Variants in LPCAT2 observed in about 807,000 individuals in gnomAD.
LPCAT2 encodes the protein 1-AGP acyltransferase 11.
A neutral mutation model predicts 64.7 loss-of-function variants in LPCAT2; 58 were observed. The ratio of observed to expected loss-of-function variants is 0.90; its 90% CI spans 0.73 to 1.12. The LOEUF is 1.12. Among genes scored for constraint, LPCAT2 ranks in the 50% most tolerant of loss-of-function variants. The pLI, the probability that LPCAT2 is intolerant of heterozygous loss-of-function variation, is 0.00. For synonymous variants in LPCAT2, 252 were observed against 245.3 expected (o/e 1.03, Z -0.26); for missense variants, 579 against 669.8 (o/e 0.86, Z 1.50).
rs192250610 is a variant in LPCAT2, at chr16:55,537,529, T to C, written c.798-49T>C. The C allele has an allele frequency of 1.8e-3, 2,440 of 1,369,968 alleles. 8 individuals are homozygous for C. Among genetic ancestry groups the C allele is most frequent in the Non-Finnish European group, 1.5e-3 (1,448 of 969,636 alleles). 84.9% of individuals were successfully genotyped at this position (1,369,968 alleles called of 1,614,324 possible). A position where few individuals can be genotyped will look rare whatever the true frequency, so the allele number is the denominator to read the frequency against. Reference sequence around the variant, plus strand: ...GAAATGATTGTTGAATAATATAAGATGATACTTGCATGACTGTATAAAGAT... The same window carrying C: ...GAAATGATTGTTGAATAATATAAGACGATACTTGCATGACTGTATAAAGAT... On this transcript the variant is annotated intron_variant, in intron 7 of 13. Coordinates refer to ENST00000262134, the MANE Select transcript of LPCAT2 (RefSeq NM_017839.5).
intron 10 of LPCAT2, among the ~76,000 whole-genome samples, chr16:55,550,354 G>A (rs1475321937): frequency 6.6e-6 from 1 of 152,146 alleles, no homozygotes; most frequent in African/African-American, 2.4e-5. Context: ...CATGTGTATA[G>A]TCTAATGAAT....
At position 55,528,419 on chromosome 16, in the gene LPCAT2, GTTC is replaced by G. The variant is rs1461486106; in HGVS notation, c.357_359del (p.Phe120del). Reference sequence around the variant, plus strand: ...CTTTGAAATTTCTGGGTCGTGCTATGTTCTTTTCAATGGGATTTATAGTTGCTG... The same window carrying G: ...CTTTGAAATTTCTGGGTCGTGCTATGTTTTCAATGGGATTTATAGTTGCTG... On this transcript the variant is annotated inframe_deletion, in exon 3 of 14. Coordinates refer to ENST00000262134, the MANE Select transcript of LPCAT2 (RefSeq NM_017839.5). 1 of 1,614,028 alleles carries G rather than the reference GTTC, an allele frequency of 6.2e-7. No individual in the cohort carries two copies. Among genetic ancestry groups the G allele is most frequent in the South Asian group, 1.1e-5 (1 of 91,080 alleles).
chr16:55,548,654 C>T (rs1161868412), intron 9 of LPCAT2, among the ~76,000 whole-genome samples: 5 of 152,146 alleles, frequency 3.3e-5, no homozygotes, highest in Non-Finnish European at 7.4e-5. Flanking sequence ...TCCTGAGTAG[C>T]TGAGACTACA....
At chr16:55,537,657 G>C (rs758901234) in intron 8 of LPCAT2, 25 bp downstream of exon 8, 1 of 1,607,556 alleles carries the variant, frequency 6.2e-7, no homozygotes, top group Admixed American at 1.7e-5. Context: ...ATGTGGCCTT[G>C]GAACTTGAGA....
chr16:55,511,027 A>G (rs1962924716), intron 1 of LPCAT2, among the ~76,000 whole-genome samples: 2 of 152,210 alleles, frequency 1.3e-5, no homozygotes, highest in African/African-American at 4.8e-5. Context: ...CTAGTCAGTT[A>G]TAGGAACTGG....
Position 55,583,119 on chromosome 16 carries a change from A to G in LPCAT2, c.*21A>G, listed in dbSNP as rs1161021480. 1.9e-6 allele frequency: 3 copies of G among 1,577,176 alleles called. No individual in the cohort carries two copies. The highest frequency in any genetic ancestry group is 2.6e-6 in the Non-Finnish European group (3 of 1,155,830). On this transcript the variant is annotated 3_prime_UTR_variant, in exon 14 of 14. Coordinates refer to ENST00000262134, the MANE Select transcript of LPCAT2 (RefSeq NM_017839.5). ...ACTGAAAGCAGTATTTCCAATAAGGAAAACACAGTAGCTTTTGCTTGAAAT... is the reference window on the plus strand; with the variant it reads ...ACTGAAAGCAGTATTTCCAATAAGGGAAACACAGTAGCTTTTGCTTGAAAT...
chr16:55,578,315 C>T (rs1963850901), intron 12 of LPCAT2, among the ~76,000 whole-genome samples: 1 of 152,166 alleles, frequency 6.6e-6, no homozygotes, highest in Non-Finnish European at 1.5e-5. Context: ...CTCCTGGCAC[C>T]TCTGATTCAA....
Position 55,582,986 on chromosome 16 carries a change from C to T in LPCAT2, c.1523C>T (p.Thr508Met), listed in dbSNP as rs772603938. 7.4e-6 allele frequency: 12 copies of T among 1,613,526 alleles called. No homozygotes were observed. The highest frequency in any genetic ancestry group is 1.0e-5 in the Non-Finnish European group (12 of 1,179,710). The stretch of plus-strand genomic sequence containing the variant: ...TTTACAACATACCTAGACCTCCAGA[C>T]GTGCCATGTGTTTTCATTACCAAAA... Reference protein sequence around the residue: ...KIFTTYLDLQTCHVFSLPKEV... With the variant: ...KIFTTYLDLQMCHVFSLPKEV... The change falls in exon 14 of 14, where the codon ACG becomes ATG. Residue 508 changes from threonine (T) to methionine (M), a missense_variant. Transcript: ENST00000262134.
chr16:55,535,096 C>G (rs1274075363), intron 7 of LPCAT2, among the ~76,000 whole-genome samples: 2 of 152,070 alleles, frequency 1.3e-5, no homozygotes, highest in Admixed American at 1.3e-4. Context: ...CTCTCAAGAT[C>G]GTTTGTTTAG....
intron 8 of LPCAT2, among the ~76,000 whole-genome samples, chr16:55,544,277 T>C (rs537386796): frequency 9.2e-5 from 14 of 152,254 alleles, no homozygotes; most frequent in Non-Finnish European, 1.8e-4. Flanking sequence ...TTGCATTCTT[T>C]ATTTATCAAA....
Position 55,547,130 on chromosome 16 carries a change from C to T in LPCAT2, c.935+1313C>T, listed in dbSNP as rs1279081392. 5.3e-5 allele frequency among the ~76,000 whole-genome samples: 8 copies of T among 150,628 alleles called. 1 individual carries two copies. The South Asian group carries it at 1.7e-3, about 32-fold the overall frequency. ...TGCCACTGCACTCCAGCCTGGGCGA[C>T]GAGTGAAACTCCGTCTCAAAAAAGA... On this transcript the variant is annotated intron_variant, in intron 9 of 13. Coordinates refer to ENST00000262134, the MANE Select transcript of LPCAT2 (RefSeq NM_017839.5).
Position 55,585,262 on chromosome 16 carries a change from A to G in LPCAT2, c.*2164A>G, listed in dbSNP as rs1963932393. On this transcript the variant is annotated 3_prime_UTR_variant, in exon 14 of 14. Transcript: ENST00000262134. ...TCATATGTTTACATATTTATGAATG[A>G]TTAATCATTTTTGTTTGCATTAAAC... 6.6e-6 allele frequency: 1 copy of G among 152,222 alleles called. No individual in the cohort carries two copies. The highest frequency in any genetic ancestry group is 2.1e-4 in the South Asian group (1 of 4,838). 9.4% of individuals were successfully genotyped at this position (152,222 alleles called of 1,614,324 possible). A position where few individuals can be genotyped will look rare whatever the true frequency, so the allele number is the denominator to read the frequency against.
At chr16:55,523,287 A>T (rs1963123695) in intron 1 of LPCAT2, among the ~76,000 whole-genome samples, 1 of 151,816 alleles carries the variant, frequency 6.6e-6, no homozygotes, top group Non-Finnish European at 1.5e-5. Context: ...AACATTAAAT[A>T]TTAAAAAATT....
chr16:55,536,876 G>A (rs549866339), intron 7 of LPCAT2, among the ~76,000 whole-genome samples: 33 of 152,112 alleles, frequency 2.2e-4, no homozygotes, highest in Non-Finnish European at 4.4e-4. Context: ...TTTAAAGACA[G>A]CATTTGCCTG....
chr16:55,528,501 C>T lies in LPCAT2; in HGVS notation c.436C>T (p.His146Tyr). The change falls in exon 3 of 14, where the codon CAT becomes TAT. Residue 146 changes from histidine (H) to tyrosine (Y), a missense_variant. Transcript: ENST00000262134. The part of the protein sequence containing the change: ...LEAPVFVAAP[H>Y]STFFDGIACV... ...AGCACCAGTTTTTGTTGCTGCCCCTCATTCAACATTCTTTGATGGAATTGC... is the reference window on the plus strand; with the variant it reads ...AGCACCAGTTTTTGTTGCTGCCCCTTATTCAACATTCTTTGATGGAATTGC... The T allele has an allele frequency of 6.2e-7, 1 of 1,614,008 alleles. No homozygotes were observed. The highest frequency in any genetic ancestry group is 8.5e-7 in the Non-Finnish European group (1 of 1,179,936).
At chr16:55,529,733 C>T (rs958760173) in intron 3 of LPCAT2, 102 bp from the exon 4 acceptor site, 1 of 458,430 alleles carries the variant, frequency 2.2e-6, no homozygotes, top group Non-Finnish European at 3.8e-6. Context: ...CTTTGATTTA[C>T]TCATTTAAAT....
At chr16:55,554,289 A>G (rs1381288045) in intron 11 of LPCAT2, among the ~76,000 whole-genome samples, 1 of 152,212 alleles carries the variant, frequency 6.6e-6, no homozygotes, top group African/African-American at 2.4e-5. Flanking sequence ...TTTCATTAAA[A>G]GGCCATTTCA....
Position 55,549,303 on chromosome 16 carries a change from A to G in LPCAT2, c.962A>G (p.His321Arg), listed in dbSNP as rs770927107. 6.6e-5 allele frequency: 105 copies of G among 1,596,438 alleles called. No individual in the cohort carries two copies. The highest frequency in any genetic ancestry group is 8.8e-5 in the Non-Finnish European group (103 of 1,173,158). ...AEALGIPVTD[H>R]TYEDCRLMIS... ...GCTCTGGGAATACCAGTAACAGATC[A>G]TACCTATGAAGACTGCAGATTGATG... is the stretch of plus-strand genomic sequence containing the variant. The change falls in exon 10 of 14, where the codon CAT (histidine) becomes CGT (arginine). Residue 321 changes from histidine (H) to arginine (R), a missense_variant. Transcript: ENST00000262134.
rs57496150 is a variant in LPCAT2, at chr16:55,509,991, C to CTTTTTTTTTTTTTTTTTTTTTT, written c.171+656_171+657insTTTTTTTTTTTTTTTTTTTTTT. Reference sequence around the variant, plus strand: ...TACGGGAGAGTAGATTTGAAGAAGTCTTTTTTTTTTTTTTTTTGCCTTAGG... The same window carrying CTTTTTTTTTTTTTTTTTTTTTT: ...TACGGGAGAGTAGATTTGAAGAAGTCTTTTTTTTTTTTTTTTTTTTTTTTTTTTTTTTTTTTTTTGCCTTAGG... On this transcript the variant is annotated intron_variant, in intron 1 of 13. Coordinates refer to ENST00000262134, the MANE Select transcript of LPCAT2 (RefSeq NM_017839.5). 7.8e-5 allele frequency among the ~76,000 whole-genome samples: 8 copies of CTTTTTTTTTTTTTTTTTTTTTT among 102,538 alleles called. 1 individual carries two copies. Among genetic ancestry groups the CTTTTTTTTTTTTTTTTTTTTTT allele is most frequent in the Admixed American group, 2.4e-4 (2 of 8,374 alleles). The allele number at this position is 102,538 out of a possible 152,430, so 67.3% of individuals were successfully genotyped here.
Sources: allele counts gnomAD v4.1 joint callset (sites outside exome capture counted in the v4.1 genomes callset), GRCh38; gene constraint gnomAD v4.1.1; transcripts MANE v1.5; gene names NCBI Gene and HGNC (gene_info 2026-07-23, HGNC 2026-07-21).